Variants in HS6ST3 observed in about 807,000 individuals in gnomAD.
HS6ST3 encodes the protein heparan sulfate 6-O-sulfotransferase 3, also known as heparan-sulfate 6-O-sulfotransferase 3.
A neutral mutation model predicts 36.7 loss-of-function variants in HS6ST3; 12 were observed. The ratio of observed to expected loss-of-function variants is 0.33; its 90% CI spans 0.21 to 0.53. The LOEUF is 0.53. Among genes scored for constraint, HS6ST3 ranks in the 20% least tolerant of loss-of-function variants. The pLI is 0.95. For missense variants in HS6ST3, 584 were observed against 640.9 expected (o/e 0.91, Z 0.96); for synonymous variants, 240 against 257.5 (o/e 0.93, Z 0.65).
At chr13:96,443,216 A>G (rs564952711) in intron 1 of HS6ST3, among the ~76,000 whole-genome samples, 3 of 152,234 alleles carry the variant, frequency 2.0e-5, no homozygotes, top group East Asian at 3.9e-4. Context: ...TTACATTTTT[A>G]TAAATGTAAA....
intron 1 of HS6ST3, among the ~76,000 whole-genome samples, chr13:96,468,664 G>A (rs1385162926): frequency 6.6e-6 from 1 of 152,138 alleles, no homozygotes; most frequent in Non-Finnish European, 1.5e-5. Context: ...AGAGCAGGAT[G>A]TTATCATCAT....
intron 1 of HS6ST3, among the ~76,000 whole-genome samples, chr13:96,639,702 AC>A (rs1277952279): frequency 6.6e-6 from 1 of 151,452 alleles, no homozygotes; most frequent in African/African-American, 2.4e-5. Context: ...CTCCCCTTCT[AC>A]CCTCCCCCAA....
At chr13:96,806,632 C>T (rs1405088782) in intron 1 of HS6ST3, among the ~76,000 whole-genome samples, 1 of 152,096 alleles carries the variant, frequency 6.6e-6, no homozygotes, top group Non-Finnish European at 1.5e-5. Context: ...AAATATTTAC[C>T]TGGATCACTA....
chr13:96,712,441 T>C (rs1875583725), intron 1 of HS6ST3, among the ~76,000 whole-genome samples: 1 of 152,162 alleles, frequency 6.6e-6, no homozygotes, highest in African/African-American at 2.4e-5. Context: ...GATTGGAATT[T>C]TGTATGAACA....
At chr13:96,152,430 C>T (rs112384181) in intron 1 of HS6ST3, among the ~76,000 whole-genome samples, 13,668 of 151,044 alleles carry the variant, frequency 0.09, 853 homozygotes, top group Non-Finnish European at 0.12. Context: ...CTCCGCCTCC[C>T]GGGTTCTCGC....
chr13:96,218,931 T>C (rs1407366605), intron 1 of HS6ST3, among the ~76,000 whole-genome samples: 1 of 152,208 alleles, frequency 6.6e-6, no homozygotes, highest in African/African-American at 2.4e-5. Flanking sequence ...AGTTGTAGCC[T>C]GTGGTGGAGT....
At chr13:96,269,661 G>A (rs898288774) in intron 1 of HS6ST3, among the ~76,000 whole-genome samples, 4 of 151,900 alleles carry the variant, frequency 2.6e-5, no homozygotes, top group Non-Finnish European at 4.4e-5. Context: ...AAGGAAAGTC[G>A]TCTTTAGCTT....
intron 1 of HS6ST3, among the ~76,000 whole-genome samples, chr13:96,197,335 T>C (rs540327503): frequency 3.3e-5 from 5 of 152,264 alleles, no homozygotes; most frequent in South Asian, 2.1e-4. Context: ...ATCGTGAGAA[T>C]AGCACAGGAA....
At chr13:96,659,916 T>C (rs146888898) in intron 1 of HS6ST3, among the ~76,000 whole-genome samples, 28 of 152,268 alleles carry the variant, frequency 1.8e-4, no homozygotes, top group African/African-American at 5.8e-4. Context: ...TTAGCACTTA[T>C]TATATTAGGG....
intron 1 of HS6ST3, among the ~76,000 whole-genome samples, chr13:96,703,730 T>A (rs1875347968): frequency 6.6e-6 from 1 of 152,170 alleles, no homozygotes; most frequent in African/African-American, 2.4e-5. Context: ...GTCCTTACCC[T>A]CAAAATAGTC....
chr13:96,179,246 TA>T (rs2054227312), intron 1 of HS6ST3, among the ~76,000 whole-genome samples: 1 of 152,230 alleles, frequency 6.6e-6, no homozygotes, highest in East Asian at 1.9e-4. Context: ...GGACCCCATT[TA>T]ATATAGGTTC....
intron 1 of HS6ST3, among the ~76,000 whole-genome samples, chr13:96,463,434 C>T (rs183575668): frequency 2.0e-5 from 3 of 151,766 alleles, no homozygotes; most frequent in Non-Finnish European, 2.9e-5. Flanking sequence ...TGCCTCCATA[C>T]CAAGAGTAAA....
At chr13:96,126,282 C>G (rs1019754510) in intron 1 of HS6ST3, among the ~76,000 whole-genome samples, 7 of 152,172 alleles carry the variant, frequency 4.6e-5, no homozygotes, top group Non-Finnish European at 8.8e-5. Context: ...GCATTTTTAA[C>G]TGTGCTACGC....
chr13:96,758,676 T>C (rs1379811695), intron 1 of HS6ST3, among the ~76,000 whole-genome samples: 1 of 151,942 alleles, frequency 6.6e-6, no homozygotes, highest in Non-Finnish European at 1.5e-5. Context: ...TTGGGGATTT[T>C]TGAGATGTCT....
At chr13:96,409,860 C>T (rs1391164997) in intron 1 of HS6ST3, among the ~76,000 whole-genome samples, 2 of 152,046 alleles carry the variant, frequency 1.3e-5, no homozygotes, top group Non-Finnish European at 2.9e-5. Flanking sequence ...TATAAAACAT[C>T]TTATGAAGCG....
At chr13:96,277,855 A>C (rs533441848) in intron 1 of HS6ST3, among the ~76,000 whole-genome samples, 38 of 152,332 alleles carry the variant, frequency 2.5e-4, no homozygotes, top group African/African-American at 8.4e-4. Context: ...CATGGGAAAC[A>C]TAACAGTGAC....
At chr13:96,327,556 A>G (rs922847919) in intron 1 of HS6ST3, among the ~76,000 whole-genome samples, 1 of 152,084 alleles carries the variant, frequency 6.6e-6, no homozygotes, top group Non-Finnish European at 1.5e-5. Flanking sequence ...TTTTGGTACT[A>G]GTACCATGCT....
intron 1 of HS6ST3, among the ~76,000 whole-genome samples, chr13:96,384,679 T>G (rs1471256747): frequency 1.3e-5 from 2 of 152,018 alleles, no homozygotes; most frequent in Non-Finnish European, 2.9e-5. Context: ...AGGCTTTGTG[T>G]TCTCAATACT....
intron 1 of HS6ST3, among the ~76,000 whole-genome samples, chr13:96,533,554 A>C (rs1011866758): frequency 1.3e-5 from 2 of 152,224 alleles, no homozygotes; most frequent in Non-Finnish European, 2.9e-5. Flanking sequence ...AACACGTGGC[A>C]TCCATCATTT....
Sources: allele counts gnomAD v4.1 joint callset (sites outside exome capture counted in the v4.1 genomes callset), GRCh38; gene constraint gnomAD v4.1.1; transcripts MANE v1.5; gene names NCBI Gene and HGNC (gene_info 2026-07-23, HGNC 2026-07-21).